PRKDC: variants seen among roughly 807,000 people sequenced by gnomAD.
PRKDC encodes the protein protein kinase, DNA-activated, catalytic subunit.
A neutral mutation model predicts 486.9 loss-of-function variants in PRKDC; 82 were observed. That is an observed-to-expected ratio of 0.17 (90% CI 0.14 to 0.20). The LOEUF is 0.20. PRKDC is among the 10% of genes least tolerant of loss of function. PRKDC has a pLI of 1.00. For missense variants in PRKDC, 4,504 were observed against 5,038.2 expected (o/e 0.89, Z 3.21); for synonymous variants, 1,895 against 1,837.0 (o/e 1.03, Z -0.81).
Position 47,854,634 on chromosome 8 carries a change from C to T in PRKDC, c.6762-420G>A, listed in dbSNP as rs372943871. Among the ~76,000 whole-genome samples, 10 of 152,318 alleles carry T rather than the reference C, an allele frequency of 6.6e-5. No homozygotes were observed. In the South Asian group the frequency reaches 1.4e-3, roughly 22 times the overall value. ...GGATTAAGGCGTGAGCCACCGTGCC[C>T]GGCCAAATACAGAATTTTCTAAAGC... On this transcript the variant is annotated intron_variant, in intron 50 of 85. Transcript: ENST00000314191.
At chr8:47,825,867 T>C (rs2087728164) in intron 63 of PRKDC, among the ~76,000 whole-genome samples, 3 of 152,220 alleles carry the variant, frequency 2.0e-5, no homozygotes, top group South Asian at 4.1e-4. Flanking sequence ...TTATGATTTA[T>C]TTATGTGTAA....
Position 47,799,222 on chromosome 8 carries a change from C to G in PRKDC, c.10285G>C (p.Glu3429Gln). ...FCDQQLRKEE[E>Q]NASVIDSAEL... is the part of the protein sequence containing the mutation. ...ATTTTCAATTCACCTGATGCATTCT[C>G]TTCCTCCTTGCGCAGCTGTTGGTCA... is the stretch of plus-strand genomic sequence containing the variant. The change falls in exon 72 of 86, where the codon GAG (glutamate) becomes CAG (glutamine). Residue 3429 changes from glutamate to glutamine, a missense_variant. Coordinates refer to ENST00000314191, the MANE Select transcript of PRKDC (RefSeq NM_006904.7). 1 of 1,613,910 alleles carries G rather than the reference C, an allele frequency of 6.2e-7. No homozygotes were observed. Among genetic ancestry groups the G allele is most frequent in the Non-Finnish European group, 8.5e-7 (1 of 1,179,898 alleles).
intron 38 of PRKDC, among the ~76,000 whole-genome samples, chr8:47,881,208 G>A (rs1482374755): frequency 2.0e-5 from 3 of 152,256 alleles, no homozygotes; most frequent in Middle Eastern, 3.4e-3. Context: ...GCCTGCTGAC[G>A]GGTGGGTTGA....
At chr8:47,781,608 G>C (rs1032879503) in intron 80 of PRKDC, among the ~76,000 whole-genome samples, 2 of 152,140 alleles carry the variant, frequency 1.3e-5, no homozygotes, top group Non-Finnish European at 2.9e-5. Context: ...AAAAAACCTT[G>C]TGGTTAAAAT....
At chr8:47,807,430 T>A (rs1323998915) in intron 68 of PRKDC, 104 bp from the exon 69 acceptor site, 1 of 1,060,320 alleles carries the variant, frequency 9.4e-7, no homozygotes, top group Non-Finnish European at 1.3e-6. Context: ...TTTGTTCTTT[T>A]TTTTTTGAGA....
intron 77 of PRKDC, 64 bp downstream of exon 77, chr8:47,785,049 G>T: frequency 6.8e-7 from 1 of 1,480,846 alleles, no homozygotes; most frequent in African/African-American, 1.4e-5. Context: ...CAGAAACCAC[G>T]AGTTCTTATT....
intron 83 of PRKDC, 46 bp downstream of exon 83, chr8:47,778,413 G>A: frequency 6.4e-7 from 1 of 1,574,738 alleles, no homozygotes; most frequent in African/African-American, 1.4e-5. Flanking sequence ...AAAGTCCTAT[G>A]ATGACTCTCG....
At chr8:47,859,111 T>C (rs988425515) in intron 46 of PRKDC, 125 bp from the exon 47 acceptor site, 32 of 1,036,274 alleles carry the variant, frequency 3.1e-5, no homozygotes, top group Non-Finnish European at 4.0e-5. Context: ...AATGATAATC[T>C]GGTAATAATA....
intron 15 of PRKDC, 95 bp downstream of exon 15, chr8:47,933,870 A>G (rs2090300592): frequency 1.5e-6 from 2 of 1,304,442 alleles, no homozygotes; most frequent in Non-Finnish European, 1.0e-6. Flanking sequence ...TTTGAAAGTT[A>G]GTAAAATATA....
Position 47,939,622 on chromosome 8 carries a change from T to C in PRKDC, c.1042A>G (p.Ile348Val). 1 of 1,613,570 alleles carries C rather than the reference T, an allele frequency of 6.2e-7. No individual in the cohort carries two copies. Among genetic ancestry groups the C allele is most frequent in the Non-Finnish European group, 8.5e-7 (1 of 1,179,554 alleles). ...LQYFMEQFYG[I>V]IRNVDSNNKE... ...TTGTTCGAATCCACATTTCTGATGA[T>C]TCCATAAAACTGCTCCATAAAGTAC... Residue 348 changes from isoleucine to valine, a missense_variant, in exon 11 of 86, where the codon ATC becomes GTC. Ile to Val is a conservative substitution (Grantham distance 29, BLOSUM62 3). Around this residue, in one of 6 missense-constraint regions of PRKDC, gnomAD observed 1,969 missense variants for 2,068.9 expected, o/e 0.95. Coordinates refer to ENST00000314191, the MANE Select transcript of PRKDC (RefSeq NM_006904.7).
chr8:47,859,035 T>A (rs761338144), intron 46 of PRKDC, 49 bp from the exon 47 acceptor site: 1 of 1,596,856 alleles, frequency 6.3e-7, no homozygotes, highest in Non-Finnish European at 8.5e-7. Flanking sequence ...TAACATTCAG[T>A]GGACAAGGCA....
At chr8:47,947,780 C>T (rs2090558470) in intron 7 of PRKDC, among the ~76,000 whole-genome samples, 1 of 152,050 alleles carries the variant, frequency 6.6e-6, no homozygotes, top group South Asian at 2.1e-4. Flanking sequence ...TGGCATTGCG[C>T]ACCTATAATC....
In PRKDC at chr8:47,774,075, A is replaced by T; in HGVS notation, c.*98T>A. On this transcript the variant is annotated 3_prime_UTR_variant, in exon 86 of 86. Coordinates refer to ENST00000314191, the MANE Select transcript of PRKDC (RefSeq NM_006904.7). ...TGTAGCACAAAAGACATTTCTCTTT[A>T]GTGTTTCAGGAAAATCAGCTCATGG... 1.7e-6 allele frequency: 2 copies of T among 1,205,408 alleles called. No homozygotes were observed. The highest frequency in any genetic ancestry group is 2.3e-6 in the Non-Finnish European group (2 of 879,918). The allele number at this position is 1,205,408 out of a possible 1,614,324, so 74.7% of individuals were successfully genotyped here.
At chr8:47,871,065 T>C (rs1317227048) in intron 40 of PRKDC, among the ~76,000 whole-genome samples, 1 of 151,738 alleles carries the variant, frequency 6.6e-6, no homozygotes, top group African/African-American at 2.4e-5. Context: ...TAAAAAACAA[T>C]GAAGCATACC....
intron 42 of PRKDC, 49 bp downstream of exon 42, chr8:47,863,350 C>G: frequency 7.0e-7 from 1 of 1,430,938 alleles, no homozygotes; most frequent in Non-Finnish European, 9.7e-7. Flanking sequence ...ATATATGTAC[C>G]CAAAGCATTG....
intron 59 of PRKDC, among the ~76,000 whole-genome samples, chr8:47,832,654 T>C (rs1023238356): frequency 2.6e-5 from 4 of 151,948 alleles, no homozygotes; most frequent in African/African-American, 9.7e-5. Context: ...ATATGACACC[T>C]CAGAAGGACA....
In PRKDC at chr8:47,798,526, C is replaced by T. The variant is rs2087027652; in HGVS notation, c.10298-129G>A. The T allele has an allele frequency of 4.2e-6, 4 of 960,828 alleles. No individual in the cohort carries two copies. In the South Asian group the frequency reaches 8.8e-5, roughly 21 times the overall value. The allele number at this position is 960,828 out of a possible 1,614,324, so 59.5% of individuals were successfully genotyped here. A position where few individuals can be genotyped will look rare whatever the true frequency, so the allele number is the denominator to read the frequency against. ...GTGTCATTGTTCTCTTCTTAACTAC[C>T]ACTTTACACCAACAAACACCAGGTA... On this transcript the variant is annotated intron_variant, in intron 72 of 85. Coordinates refer to ENST00000314191, the MANE Select transcript of PRKDC (RefSeq NM_006904.7).
At chr8:47,956,106 T>C (rs922044860) in intron 3 of PRKDC, among the ~76,000 whole-genome samples, 158 bp from the exon 4 acceptor site, 1 of 152,210 alleles carries the variant, frequency 6.6e-6, no homozygotes, top group Non-Finnish European at 1.5e-5. Context: ...CTCATGCCTA[T>C]AATCCCAACA....
chr8:47,918,398 C>A lies in PRKDC; in HGVS notation c.2420-15G>T. On this transcript the variant is annotated splice_polypyrimidine_tract_variant and intron_variant, in intron 21 of 85. Transcript: ENST00000314191. ...CTTGGTCTCATCTATCAATAGTAAA[C>A]GAAAATAAATTTAAAATAGCACTCA... The A allele has an allele frequency of 1.4e-6, 2 of 1,465,236 alleles. No homozygotes were observed. The highest frequency in any genetic ancestry group is 1.8e-6 in the Non-Finnish European group (2 of 1,090,980). The allele number at this position is 1,465,236 out of a possible 1,614,324, so 90.8% of individuals were successfully genotyped here.
Sources: gnomAD v4.1 joint callset for allele counts (sites outside exome capture counted in the v4.1 genomes callset) on GRCh38, gnomAD v4.1.1 for gene constraint, gnomAD v4.1.1 regional missense constraint, MANE v1.5 for transcripts, NCBI Gene and HGNC (gene_info 2026-07-23, HGNC 2026-07-21) for gene names.